The following AMDHD2 variants were observed in gnomAD, a reference collection of about 807,000 sequenced individuals.
AMDHD2 encodes amidohydrolase domain containing 2.
Under a neutral mutation model 41.8 loss-of-function variants are expected in AMDHD2, and 24 were observed. The observed-to-expected ratio is 0.57, with a 90% confidence interval of 0.42 to 0.81. AMDHD2 has a LOEUF of 0.81. AMDHD2 is among the 30% of genes least tolerant of loss of function. The pLI, the probability that AMDHD2 is intolerant of heterozygous loss-of-function variation, is 0.00. For missense variants in AMDHD2, 540 were observed against 588.5 expected, an observed-to-expected ratio of 0.92 and a Z score of 0.85; for synonymous variants, 332 against 255.5, an observed-to-expected ratio of 1.30 and a Z score of -2.85.
intron 3 of AMDHD2, among the ~76,000 whole-genome samples, chr16:2,523,412 C>A (rs1023613196): frequency 6.6e-6 from 1 of 152,104 alleles, no homozygotes; most frequent in Non-Finnish European, 1.5e-5. Context: ...CTCAGGCTTC[C>A]TGGATTTGGC....
chr16:2,531,331 T>G lies in AMDHD2; in HGVS notation c.*1768T>G. 1.9e-6 allele frequency: 1 copy of G among 536,988 alleles called. No homozygotes were observed. Among genetic ancestry groups the G allele is most frequent in the Non-Finnish European group, 3.4e-6 (1 of 294,344 alleles). 33.3% of individuals were successfully genotyped at this position (536,988 alleles called of 1,614,324 possible). A position where few individuals can be genotyped will look rare whatever the true frequency, so the allele number is the denominator to read the frequency against. ...GCCAGGGAGCTGCTGCAGGATGATTTTGAGGTGTGGGGGAAGCACTCTTGG... is the reference window on the plus strand; with the variant it reads ...GCCAGGGAGCTGCTGCAGGATGATTGTGAGGTGTGGGGGAAGCACTCTTGG... On this transcript the variant is annotated 3_prime_UTR_variant, in exon 11 of 11. Coordinates refer to ENST00000293971, the MANE Select transcript of AMDHD2 (RefSeq NM_001330449.2).
In AMDHD2 at chr16:2,527,208, G is replaced by A; in HGVS notation, c.361-353G>A. On this transcript the variant is annotated intron_variant, in intron 3 of 10. Transcript: ENST00000293971. The surrounding 1 kb of genome is among the most constrained non-coding windows in gnomAD (Gnocchi z 6.1). ...GGACCACACACAGTGCTGAGCCCTG[G>A]CCATGCCCACACTGAGCTCTGCCCC... 2 of 405,532 alleles carry A rather than the reference G, an allele frequency of 4.9e-6. No individual in the cohort carries two copies. The highest frequency in any genetic ancestry group is 4.5e-6 in the Non-Finnish European group (1 of 222,726). The allele number at this position is 405,532 out of a possible 1,614,324, so 25.1% of individuals were successfully genotyped here.
chr16:2,521,631 T>C (rs1479367801), intron 3 of AMDHD2, among the ~76,000 whole-genome samples: 1 of 152,184 alleles, frequency 6.6e-6, no homozygotes, highest in Non-Finnish European at 1.5e-5. Context: ...TTGGTCTTTT[T>C]TTATTTTAAT....
At chr16:2,520,728 G>A (rs2065923084) in intron 1 of AMDHD2, 41 bp from the exon 2 acceptor site, 3 of 1,499,632 alleles carry the variant, frequency 2.0e-6, no homozygotes, top group African/African-American at 2.8e-5. Context: ...CGGGGCCGAG[G>A]TCAGGCCCGC....
At chr16:2,522,053 G>A (rs528077508) in intron 3 of AMDHD2, among the ~76,000 whole-genome samples, 1 of 152,136 alleles carries the variant, frequency 6.6e-6, no homozygotes, top group South Asian at 2.1e-4. Flanking sequence ...CAAAGTGCTG[G>A]GATTACAGGC....
Position 2,528,224 on chromosome 16 carries a change from G to T in AMDHD2, c.718-12G>T. On this transcript the variant is annotated splice_polypyrimidine_tract_variant and intron_variant, in intron 6 of 10. Coordinates refer to ENST00000293971, the MANE Select transcript of AMDHD2 (RefSeq NM_001330449.2). ...CTGTCGCTCAGCCATCCCTTCCCTC[G>T]CCCCTGCCCAGTTCCACCACCGCGA... The T allele has an allele frequency of 6.2e-7, 1 of 1,611,666 alleles. No individual in the cohort carries two copies.
chr16:2,524,238 G>A (rs2065975746), intron 3 of AMDHD2, among the ~76,000 whole-genome samples: 1 of 152,222 alleles, frequency 6.6e-6, no homozygotes, highest in African/African-American at 2.4e-5. Context: ...AAGCTTCTTC[G>A]GTCTTTTGTT....
intron 3 of AMDHD2, among the ~76,000 whole-genome samples, chr16:2,521,915 G>C (rs532097882): frequency 6.1e-4 from 92 of 151,736 alleles, no homozygotes; most frequent in Non-Finnish European, 1.1e-3. Context: ...CTCCCAAGTA[G>C]CTGGGACTAC....
At position 2,529,122 on chromosome 16, in the gene AMDHD2, G is replaced by C. The variant is rs780243911; in HGVS notation, c.1141+27G>C. ...TGAGGGCCTGTCGCAGGGTCACCGG[G>C]CAGCCTGGCCCTGCCTGTAGACTCT... On this transcript the variant is annotated intron_variant, in intron 10 of 10. Transcript: ENST00000293971. 4.0e-6 allele frequency: 6 copies of C among 1,516,906 alleles called. No homozygotes were observed. In the South Asian group the frequency reaches 5.0e-5, roughly 13 times the overall value. 94.0% of individuals were successfully genotyped at this position (1,516,906 alleles called of 1,614,324 possible).
intron 3 of AMDHD2, among the ~76,000 whole-genome samples, chr16:2,524,577 T>C (rs1379040830): frequency 6.6e-6 from 1 of 152,256 alleles, no homozygotes; most frequent in Non-Finnish European, 1.5e-5. Context: ...CCATTGTCTT[T>C]TTTTGTTTGT....
Position 2,530,644 on chromosome 16 carries a change from G to C in AMDHD2, c.*1081G>C. 1 of 1,614,194 alleles carries C rather than the reference G, an allele frequency of 6.2e-7. No homozygotes were observed. The highest frequency in any genetic ancestry group is 1.3e-5 in the African/African-American group (1 of 75,058). On this transcript the variant is annotated 3_prime_UTR_variant, in exon 11 of 11. Transcript: ENST00000293971. Reference sequence around the variant, plus strand: ...CTGCCACTGTTCTCTTCCCTCTGCTGCAAAGCCCAGTTAAGGAAATGTCTC... The same window carrying C: ...CTGCCACTGTTCTCTTCCCTCTGCTCCAAAGCCCAGTTAAGGAAATGTCTC...
At chr16:2,523,272 C>T (rs557834171) in intron 3 of AMDHD2, among the ~76,000 whole-genome samples, 6 of 152,306 alleles carry the variant, frequency 3.9e-5, no homozygotes, top group East Asian at 1.9e-4. Context: ...CCAGAGCCCC[C>T]GCCGTTTTCC....
In AMDHD2 at chr16:2,529,598, C is replaced by G; in HGVS notation, c.*35C>G. 6.2e-7 allele frequency: 1 copy of G among 1,602,986 alleles called. No homozygotes were observed. The highest frequency in any genetic ancestry group is 8.5e-7 in the Non-Finnish European group (1 of 1,179,644). On this transcript the variant is annotated 3_prime_UTR_variant, in exon 11 of 11. Coordinates refer to ENST00000293971, the MANE Select transcript of AMDHD2 (RefSeq NM_001330449.2). ...CGGCTGAGAGGACACCTGGCCGCAG[C>G]GGGATGCCATCAGGGCCGGGTGGTT...
Position 2,530,317 on chromosome 16 carries a change from C to T in AMDHD2, c.*754C>T, listed in dbSNP as rs1261843099. The T allele has an allele frequency of 6.2e-7, 1 of 1,614,078 alleles. No individual in the cohort carries two copies. The highest frequency in any genetic ancestry group is 1.7e-5 in the Admixed American group (1 of 60,024). On this transcript the variant is annotated 3_prime_UTR_variant, in exon 11 of 11. Transcript: ENST00000293971. ...TGCTGGAGGGCAGTATGGGAGGCAC[C>T]AGTGTGCCCTGCTCACCCCATTAGT... is the stretch of plus-strand genomic sequence containing the variant.
At position 2,528,359 on chromosome 16, in the gene AMDHD2, G is replaced by A. The variant is rs2066034821; in HGVS notation, c.841G>A (p.Ala281Thr). Residue 281 changes from alanine to threonine, a missense_variant, in exon 7 of 11, where the codon GCC becomes ACC. Physicochemically the swap from Ala to Thr is moderately conservative, Grantham distance 58. Transcript: ENST00000293971. Reference protein sequence around the residue: ...THTNPAALRIAHRAHPQGLVL... With the variant: ...THTNPAALRITHRAHPQGLVL... ...CACCAACCCCGCCGCCCTGCGGATC[G>A]CCCACCGTGCCCATCCCCAGGGTAA... 3.1e-6 allele frequency: 5 copies of A among 1,612,846 alleles called. No individual in the cohort carries two copies. The highest frequency in any genetic ancestry group is 1.7e-4 in the Middle Eastern group (1 of 6,054).
At chr16:2,525,492 G>C (rs1274766815) in intron 3 of AMDHD2, among the ~76,000 whole-genome samples, 4 of 151,154 alleles carry the variant, frequency 2.6e-5, no homozygotes, top group African/African-American at 9.8e-5. Context: ...TCAGCCTCCT[G>C]AGTAGCTGGG....
chr16:2,526,913 A>G (rs2066010653), intron 3 of AMDHD2, among the ~76,000 whole-genome samples: 1 of 152,090 alleles, frequency 6.6e-6, no homozygotes, highest in Non-Finnish European at 1.5e-5. Context: ...CTGGGCGACA[A>G]GAGGGAAACT....
rs765016707 is a variant in AMDHD2 at position 2,521,030 on chromosome 16, G to C, written c.267G>C (p.Ser89=). ...DFSQATEDVG[S]GVALVARRIL... is the part of the protein sequence containing the mutation. ...CTCAAGCCACGGAGGACGTGGGTTC[G>C]GGGGTTGCCCTCGTGGCCCGGAGGA... The change falls in exon 3 of 11, where the codon TCG becomes TCC. Residue 89 remains serine (S), a synonymous_variant. Transcript: ENST00000293971. The C allele has an allele frequency of 1.2e-6, 2 of 1,611,264 alleles. No individual in the cohort carries two copies. Among genetic ancestry groups the C allele is most frequent in the South Asian group, 2.2e-5 (2 of 90,528 alleles).
intron 3 of AMDHD2, among the ~76,000 whole-genome samples, chr16:2,524,780 A>G (rs1372451320): frequency 2.6e-5 from 4 of 151,934 alleles, no homozygotes; most frequent in Non-Finnish European, 5.9e-5. Context: ...GGCAGAATCC[A>G]TTGCCTTCCA....
Sources: gnomAD v4.1 joint callset for allele counts (sites outside exome capture counted in the v4.1 genomes callset) on GRCh38, gnomAD v4.1.1 for gene constraint, Gnocchi (gnomAD v3.1) non-coding constraint, MANE v1.5 for transcripts, NCBI Gene and HGNC (gene_info 2026-07-23, HGNC 2026-07-21) for gene names.